ZNF385D: variants seen among roughly 807,000 people sequenced by gnomAD.
ZNF385D encodes the protein zinc finger protein 659.
A neutral mutation model predicts 35.8 loss-of-function variants in ZNF385D; 15 were observed. The observed-to-expected ratio is 0.42, with a 90% CI of 0.28 to 0.64. The LOEUF (loss-of-function observed/expected upper bound fraction) is 0.64, where lower values mean the gene tolerates loss of function less well. Ranked by LOEUF, ZNF385D falls within the 30% of genes least tolerant of loss-of-function variation. ZNF385D has a pLI of 0.23. For synonymous variants in ZNF385D, 212 were observed against 186.8 expected (o/e 1.13, Z -1.10); for missense variants, 474 against 494.6 (o/e 0.96, Z 0.39).
chr3:21,656,045 G>C lies in ZNF385D; in HGVS notation c.165+8841C>G, dbSNP rs1044737517. 2.0e-5 allele frequency among the ~76,000 whole-genome samples: 3 copies of C among 151,870 alleles called. 1 individual carries two copies. Among genetic ancestry groups the C allele is most frequent in the East Asian group, 3.9e-4 (2 of 5,180 alleles). Reference sequence around the variant, plus strand: ...TTGGTTCATAAGAGTTACAGGGTAGGGGGTGCTAAACTAGCTCCAAATAGA... The same window carrying C: ...TTGGTTCATAAGAGTTACAGGGTAGCGGGTGCTAAACTAGCTCCAAATAGA... On this transcript the variant is annotated intron_variant, in intron 2 of 7. Transcript: ENST00000281523.
At chr3:22,022,590 A>G (rs1005695181) in intron 3 of ZNF385D, among the ~76,000 whole-genome samples, 3 of 152,172 alleles carry the variant, frequency 2.0e-5, no homozygotes, top group Admixed American at 6.6e-5. Context: ...TGGCAAATGA[A>G]CAGCATGTCC....
chr3:21,575,384 T>G (rs2063467200), intron 2 of ZNF385D, among the ~76,000 whole-genome samples: 1 of 152,168 alleles, frequency 6.6e-6, no homozygotes, highest in Non-Finnish European at 1.5e-5. Context: ...ATAAATTCAT[T>G]CAACTAGGGA....
chr3:21,952,768 CTG>C (rs1702121377), intron 3 of ZNF385D, among the ~76,000 whole-genome samples: 4 of 151,608 alleles, frequency 2.6e-5, no homozygotes, highest in Non-Finnish European at 4.4e-5. Context: ...AAAAATGTAA[CTG>C]CTACTTAATA....
intron 3 of ZNF385D, among the ~76,000 whole-genome samples, chr3:21,795,014 G>A (rs1221036096): frequency 6.6e-6 from 1 of 152,160 alleles, no homozygotes; most frequent in Non-Finnish European, 1.5e-5. Context: ...CTCATAGTCA[G>A]TGTCCGCTGT....
At chr3:21,652,021 A>G (rs2065931241) in intron 2 of ZNF385D, among the ~76,000 whole-genome samples, 2 of 152,216 alleles carry the variant, frequency 1.3e-5, no homozygotes, top group Admixed American at 1.3e-4. Context: ...TTCCATTAGA[A>G]TTGATACTCA....
chr3:22,362,170 C>CT (rs1696440420), intron 2 of ZNF385D, among the ~76,000 whole-genome samples: 2 of 151,568 alleles, frequency 1.3e-5, no homozygotes, highest in South Asian at 2.1e-4. Flanking sequence ...TTTTTCCTGG[C>CT]TTTTTTTGTA....
At chr3:21,957,797 C>CT (rs958845187) in intron 3 of ZNF385D, among the ~76,000 whole-genome samples, 1 of 152,062 alleles carries the variant, frequency 6.6e-6, no homozygotes, top group Non-Finnish European at 1.5e-5. Flanking sequence ...TTTGCTTTGA[C>CT]TTTTTCTCCT....
intron 4 of ZNF385D, among the ~76,000 whole-genome samples, chr3:21,458,192 G>A (rs1702939881): frequency 6.6e-6 from 1 of 152,022 alleles, no homozygotes; most frequent in East Asian, 1.9e-4. Flanking sequence ...ATGAAGAGGG[G>A]CTGGGCTCGG....
intron 3 of ZNF385D, among the ~76,000 whole-genome samples, chr3:21,767,520 T>C (rs1425784225): frequency 1.3e-5 from 2 of 152,066 alleles, no homozygotes; most frequent in East Asian, 3.9e-4. Context: ...AGTTCCTTTC[T>C]AGACTAAGAC....
At chr3:21,920,785 A>T (rs2125220253) in intron 3 of ZNF385D, among the ~76,000 whole-genome samples, 1 of 152,300 alleles carries the variant, frequency 6.6e-6, no homozygotes, top group East Asian at 1.9e-4. Flanking sequence ...AATTTGAGGA[A>T]GTTGGAGTTA....
intron 3 of ZNF385D, among the ~76,000 whole-genome samples, chr3:21,945,706 T>C (rs1000061818): frequency 1.3e-5 from 2 of 152,212 alleles, no homozygotes; most frequent in Admixed American, 1.3e-4. Context: ...TGTAAGTTTC[T>C]TAATCCTACC....
chr3:22,149,628 A>T (rs1705094574), intron 3 of ZNF385D, among the ~76,000 whole-genome samples: 1 of 152,142 alleles, frequency 6.6e-6, no homozygotes, highest in South Asian at 2.1e-4. Context: ...TGTGAATTCA[A>T]CTACTTGGGT....
At chr3:21,577,155 T>G (rs1301780596) in intron 2 of ZNF385D, among the ~76,000 whole-genome samples, 1 of 152,222 alleles carries the variant, frequency 6.6e-6, no homozygotes. Context: ...CTCCTTATCC[T>G]CCTTTTCTCC....
intron 3 of ZNF385D, among the ~76,000 whole-genome samples, chr3:22,122,195 A>C (rs1323501820): frequency 6.6e-6 from 1 of 152,050 alleles, no homozygotes; most frequent in African/African-American, 2.4e-5. Context: ...CCCCTTTACT[A>C]GTTTTAGTTA....
chr3:22,002,588 A>G (rs912100714), intron 3 of ZNF385D, among the ~76,000 whole-genome samples: 1 of 152,170 alleles, frequency 6.6e-6, no homozygotes, highest in Non-Finnish European at 1.5e-5. Flanking sequence ...TGAGGCCAGC[A>G]GTATTCTGAC....
Position 21,682,348 on chromosome 3 carries a change from T to C in ZNF385D, c.23-17320A>G, listed in dbSNP as rs1575452816. Among the ~76,000 whole-genome samples the C allele has an allele frequency of 2.0e-5, 3 of 149,846 alleles. 1 individual carries two copies. In the South Asian group the frequency reaches 6.4e-4, roughly 32 times the overall value. On this transcript the variant is annotated intron_variant, in intron 1 of 7. Coordinates refer to ENST00000281523, the MANE Select transcript of ZNF385D (RefSeq NM_024697.3). Reference sequence around the variant, plus strand: ...CAGACATGATTAAAGGACAGGCAAGTAAGAGTAAGGGGAAAGCTAAAGGTA... The same window carrying C: ...CAGACATGATTAAAGGACAGGCAAGCAAGAGTAAGGGGAAAGCTAAAGGTA...
intron 3 of ZNF385D, among the ~76,000 whole-genome samples, chr3:21,889,776 T>A (rs1698747862): frequency 6.6e-6 from 1 of 152,074 alleles, no homozygotes. Flanking sequence ...GAAACAGAAA[T>A]ATATTATCTC....
At chr3:21,540,549 T>A (rs11924876) in intron 3 of ZNF385D, among the ~76,000 whole-genome samples, 1,606 of 152,276 alleles carry the variant, frequency 0.011, 30 homozygotes, top group African/African-American at 0.037. Flanking sequence ...AAGCTCTGCT[T>A]GGGAAATGGA....
chr3:21,437,021 G>C lies in ZNF385D; in HGVS notation c.622C>G (p.Leu208Val). The change falls in exon 5 of 8, where the codon CTA becomes GTA. Residue 208 changes from leucine (L) to valine (V), a missense_variant. By Grantham distance (32) the Leu-to-Val change is conservative (BLOSUM62 1). Coordinates refer to ENST00000281523, the MANE Select transcript of ZNF385D (RefSeq NM_024697.3). The part of the protein sequence containing the change: ...EKAKRLLYCS[L>V]CKVAVNSASQ... The stretch of plus-strand genomic sequence containing the variant: ...GCAGAGTTGACAGCAACCTTGCATA[G>C]CGAACAGTAAAGAAGCCGTTTTGCC... The C allele has an allele frequency of 2.5e-6, 4 of 1,613,976 alleles. No individual in the cohort carries two copies. Among genetic ancestry groups the C allele is most frequent in the Non-Finnish European group, 3.4e-6 (4 of 1,179,884 alleles).
Sources: allele counts gnomAD v4.1 joint callset (sites outside exome capture counted in the v4.1 genomes callset), GRCh38; gene constraint gnomAD v4.1.1; transcripts MANE v1.5; gene names NCBI Gene and HGNC (gene_info 2026-07-23, HGNC 2026-07-21).